The following CCDC122 variants were observed in gnomAD, a reference collection of about 807,000 sequenced individuals.
The protein encoded by CCDC122 is coiled-coil domain-containing protein 122.
In CCDC122, 38 loss-of-function variants were observed where a neutral mutation model predicts 37.0. The observed-to-expected ratio is 1.03, with a 90% CI of 0.79 to 1.35. CCDC122 has a LOEUF of 1.35. CCDC122 is among the 40% of genes most tolerant of loss of function. The pLI is 0.00. For synonymous variants in CCDC122, 83 were observed against 95.6 expected (o/e 0.87, Z 0.77); for missense variants, 305 against 310.0 (o/e 0.98, Z 0.12).
chr13:43,850,471 G>A (rs1318644032), intron 6 of CCDC122, among the ~76,000 whole-genome samples: 1 of 152,092 alleles, frequency 6.6e-6, no homozygotes, highest in Non-Finnish European at 1.5e-5. Context: ...CTGAGCAAAG[G>A]AATATAAGAT....
At chr13:43,837,485 C>A in intron 6 of CCDC122, 56 bp from the exon 7 acceptor site, 7 of 1,475,646 alleles carry the variant, frequency 4.7e-6, no homozygotes, top group Middle Eastern at 1.8e-4. Context: ...TAGTAAACAG[C>A]CATAAATAAT....
At chr13:43,852,240 A>T (rs1372129076) in intron 6 of CCDC122, among the ~76,000 whole-genome samples, 1 of 152,154 alleles carries the variant, frequency 6.6e-6, no homozygotes, top group Non-Finnish European at 1.5e-5. Context: ...AATCATGACA[A>T]AACAATGCAG....
downstream of CCDC122, among the ~76,000 whole-genome samples, chr13:43,834,527 A>C (rs1293606447): frequency 1.3e-5 from 2 of 152,232 alleles, no homozygotes; most frequent in Non-Finnish European, 2.9e-5. Context: ...CAGGCAACCT[A>C]CAGAATGGGA....
chr13:43,853,886 G>T (rs562524389), intron 6 of CCDC122, among the ~76,000 whole-genome samples: 1 of 152,240 alleles, frequency 6.6e-6, no homozygotes, highest in Non-Finnish European at 1.5e-5. Flanking sequence ...ACCTGCTCCT[G>T]AATGATTTTT....
At chr13:43,850,499 G>A (rs978375358) in intron 6 of CCDC122, among the ~76,000 whole-genome samples, 1 of 152,096 alleles carries the variant, frequency 6.6e-6, no homozygotes, top group African/African-American at 2.4e-5. Context: ...AGACTCAAAT[G>A]GCAATTTAAG....
At chr13:43,860,640 T>C (rs1461905254) in intron 4 of CCDC122, among the ~76,000 whole-genome samples, 1 of 152,188 alleles carries the variant, frequency 6.6e-6, no homozygotes. Flanking sequence ...AGTCTTCTGG[T>C]TCTCCTTAGA....
rs1302305774 is a variant in CCDC122 at position 43,837,365 on chromosome 13, G to T, written c.737C>A (p.Ser246Ter). 1 of 1,613,812 alleles carries T rather than the reference G, an allele frequency of 6.2e-7. No individual in the cohort carries two copies. The highest frequency in any genetic ancestry group is 8.5e-7 in the Non-Finnish European group (1 of 1,179,960). Reference protein sequence around the residue: ...RLHCQVNKLQSNRRQWQWNIQ... With the variant: ...RLHCQVNKLQ ...GTTCCATTGCCACTGTCGTCTATTTGACTGAAGCTTGTTCACCTGACAATG... is the reference window on the plus strand; with the variant it reads ...GTTCCATTGCCACTGTCGTCTATTTTACTGAAGCTTGTTCACCTGACAATG... Residue 246 changes from serine to a stop codon, truncating the protein, a stop_gained, in exon 7 of 7, where the codon TCA (serine) becomes TAA (stop). Transcript: ENST00000444614. LOFTEE classifies it high-confidence loss of function.
intron 6 of CCDC122, among the ~76,000 whole-genome samples, chr13:43,848,516 G>A (rs2065925): frequency 0.88 from 134,175 of 152,034 alleles, 59,905 homozygotes; most frequent in South Asian, 0.98. Flanking sequence ...TGCTTCCCCA[G>A]TTTTTTGTCA....
At chr13:43,868,042 CAG>C (rs1954331118) in intron 4 of CCDC122, among the ~76,000 whole-genome samples, 1 of 90,322 alleles carries the variant, frequency 1.1e-5, no homozygotes, top group African/African-American at 3.5e-5. Flanking sequence ...ACTAAGGAAA[CAG>C]GAGCACAACA....
At chr13:43,870,170 G>C (rs1354325347) in intron 2 of CCDC122, among the ~76,000 whole-genome samples, 1 of 151,670 alleles carries the variant, frequency 6.6e-6, no homozygotes, top group African/African-American at 2.4e-5. Context: ...AATCTATCTA[G>C]AAATATACAA....
intron 6 of CCDC122, among the ~76,000 whole-genome samples, chr13:43,837,874 A>G (rs1953218439): frequency 6.6e-6 from 1 of 152,190 alleles, no homozygotes; most frequent in South Asian, 2.1e-4. Context: ...CTATGTAAGG[A>G]ACTACAATCT....
chr13:43,850,921 G>A lies in CCDC122; in HGVS notation c.672+7860C>T, dbSNP rs373763240. Among the ~76,000 whole-genome samples the A allele has an allele frequency of 1.4e-3, 220 of 152,132 alleles. 5 individuals carry two copies. The South Asian group carries it at 0.043, about 30-fold the overall frequency. On this transcript the variant is annotated intron_variant, in intron 6 of 6. Coordinates refer to ENST00000444614, the MANE Select transcript of CCDC122 (RefSeq NM_144974.5). The stretch of plus-strand genomic sequence containing the variant: ...AGAAGAATGTTTTTTCCCCAATCTC[G>A]CTCACTCTGCAGACAGAAAATCTTG...
downstream of CCDC122, among the ~76,000 whole-genome samples, chr13:43,833,041 T>C (rs751859710): frequency 6.6e-6 from 1 of 152,210 alleles, no homozygotes; most frequent in Non-Finnish European, 1.5e-5. Flanking sequence ...AGACAATATA[T>C]AGACCATTTA....
chr13:43,865,095 G>A (rs372076792), intron 4 of CCDC122, among the ~76,000 whole-genome samples: 8 of 152,028 alleles, frequency 5.3e-5, no homozygotes, highest in East Asian at 3.9e-4. Flanking sequence ...CTATCCCCAC[G>A]CATCATCTCT....
At chr13:43,864,399 G>A (rs959086551) in intron 4 of CCDC122, among the ~76,000 whole-genome samples, 7 of 151,948 alleles carry the variant, frequency 4.6e-5, no homozygotes, top group Non-Finnish European at 8.8e-5. Context: ...AGGTTTATTT[G>A]GCCCATGATT....
intron 6 of CCDC122, among the ~76,000 whole-genome samples, chr13:43,851,689 T>C (rs1443811645): frequency 6.6e-6 from 1 of 152,162 alleles, no homozygotes; most frequent in Non-Finnish European, 1.5e-5. Flanking sequence ...ACTGCACTAC[T>C]GAACACTTTG....
downstream of CCDC122, among the ~76,000 whole-genome samples, chr13:43,821,865 A>C (rs1952995526): frequency 6.6e-6 from 1 of 152,198 alleles, no homozygotes; most frequent in African/African-American, 2.4e-5. Flanking sequence ...TGTTAAATTC[A>C]TCTGATAGAA....
At chr13:43,848,088 C>G (rs560797205) in intron 6 of CCDC122, among the ~76,000 whole-genome samples, 4 of 152,256 alleles carry the variant, frequency 2.6e-5, no homozygotes, top group Non-Finnish European at 4.4e-5. Flanking sequence ...GGGTTTTTCT[C>G]ATAGGACTGG....
chr13:43,847,179 T>A (rs1337723271), intron 6 of CCDC122, among the ~76,000 whole-genome samples: 3 of 152,212 alleles, frequency 2.0e-5, no homozygotes. Context: ...TGCACCAATA[T>A]GAAAAATCTA....
Sources: gnomAD v4.1 joint callset for allele counts (sites outside exome capture counted in the v4.1 genomes callset) on GRCh38, gnomAD v4.1.1 for gene constraint, MANE v1.5 for transcripts, NCBI Gene and HGNC (gene_info 2026-07-23, HGNC 2026-07-21) for gene names.